Variants in SLC8A1 observed in about 807,000 individuals in gnomAD.
SLC8A1 encodes solute carrier family 8 member A1, also known as sodium/calcium exchanger 1.
Under a neutral mutation model 68.3 loss-of-function variants are expected in SLC8A1, and 18 were observed. The observed-to-expected ratio is 0.26, with a 90% CI of 0.18 to 0.39. SLC8A1 has a LOEUF of 0.39. SLC8A1 is among the 10% of genes least tolerant of loss of function. The pLI is 1.00. For synonymous variants in SLC8A1, 475 were observed against 415.5 expected, an observed-to-expected ratio of 1.14 and a Z score of -1.74; for missense variants, 985 against 1,156.7, an observed-to-expected ratio of 0.85 and a Z score of 2.15.
chr2:40,434,177 C>T (rs1698947584), intron 1 of SLC8A1, among the ~76,000 whole-genome samples: 1 of 152,082 alleles, frequency 6.6e-6, no homozygotes, highest in African/African-American at 2.4e-5. Context: ...CAGTAAAAAT[C>T]CATCATCATT....
At chr2:40,291,950 T>C (rs1001847886) in intron 2 of SLC8A1, among the ~76,000 whole-genome samples, 1 of 151,234 alleles carries the variant, frequency 6.6e-6, no homozygotes, top group South Asian at 2.1e-4. Context: ...CCTTCCAAGA[T>C]ACAAACCATT....
At chr2:40,166,253 G>C (rs534847758) in intron 4 of SLC8A1, among the ~76,000 whole-genome samples, 2 of 152,242 alleles carry the variant, frequency 1.3e-5, no homozygotes, top group East Asian at 1.9e-4. Context: ...GGGAATGAAT[G>C]GTTCCTAGGC....
At chr2:40,232,893 C>G (rs2059872799) in intron 2 of SLC8A1, among the ~76,000 whole-genome samples, 1 of 149,320 alleles carries the variant, frequency 6.7e-6, no homozygotes, top group Non-Finnish European at 1.5e-5. Flanking sequence ...ATGATGGTTT[C>G]CAATTTCATC....
At chr2:40,126,329 T>C (rs1393681833) in intron 7 of SLC8A1, among the ~76,000 whole-genome samples, 1 of 152,232 alleles carries the variant, frequency 6.6e-6, no homozygotes, top group East Asian at 1.9e-4. Context: ...GTGTGTTAAA[T>C]GCAAGGGGTC....
intron 2 of SLC8A1, among the ~76,000 whole-genome samples, chr2:40,368,108 G>C (rs2149497940): frequency 6.6e-6 from 1 of 152,030 alleles, no homozygotes; most frequent in South Asian, 2.1e-4. Flanking sequence ...CAGTTATCTT[G>C]TTGCTTCTTT....
At chr2:40,374,575 G>C (rs1288101694) in intron 2 of SLC8A1, among the ~76,000 whole-genome samples, 1 of 151,960 alleles carries the variant, frequency 6.6e-6, no homozygotes, top group Admixed American at 6.6e-5. Flanking sequence ...GTAAAGGAAA[G>C]AACTAGGTAA....
At chr2:40,422,860 T>G (rs560473356) in intron 2 of SLC8A1, among the ~76,000 whole-genome samples, 22 of 152,132 alleles carry the variant, frequency 1.4e-4, no homozygotes, top group Non-Finnish European at 3.1e-4. Context: ...AGGGTTCAAA[T>G]CCTAGATCCA....
intron 1 of SLC8A1, among the ~76,000 whole-genome samples, chr2:40,475,599 GACA>G (rs1704244690): frequency 6.6e-6 from 1 of 151,684 alleles, no homozygotes; most frequent in African/African-American, 2.4e-5. Flanking sequence ...ATATGTACAT[GACA>G]TATGTACATG....
intron 1 of SLC8A1, among the ~76,000 whole-genome samples, chr2:40,471,968 T>G (rs1045616647): frequency 6.6e-6 from 1 of 152,114 alleles, no homozygotes; most frequent in Admixed American, 6.6e-5. Flanking sequence ...CACATTAGGA[T>G]AGAGAACTCT....
intron 2 of SLC8A1, among the ~76,000 whole-genome samples, chr2:40,302,018 ACACCGGG>A (rs1407775489): frequency 7.2e-6 from 1 of 138,348 alleles, no homozygotes; most frequent in African/African-American, 2.6e-5. Context: ...ACCTGCCACC[ACACCGGG>A]CTAATCTGTG....
chr2:40,282,035 C>G (rs1193806912), intron 2 of SLC8A1, among the ~76,000 whole-genome samples: 2 of 152,146 alleles, frequency 1.3e-5, no homozygotes, highest in East Asian at 3.9e-4. Flanking sequence ...CAGCACAGCT[C>G]CCCCACACAA....
At chr2:40,389,058 G>T (rs938248092) in intron 2 of SLC8A1, among the ~76,000 whole-genome samples, 17 of 151,552 alleles carry the variant, frequency 1.1e-4, no homozygotes, top group African/African-American at 4.1e-4. Flanking sequence ...TTACACAAAT[G>T]TGGCTATATA....
At chr2:40,382,675 C>T (rs960579391) in intron 2 of SLC8A1, among the ~76,000 whole-genome samples, 7 of 124,922 alleles carry the variant, frequency 5.6e-5, no homozygotes, top group East Asian at 4.3e-4. Context: ...AACTGAAAAT[C>T]GTATATTATA....
chr2:40,239,139 T>A (rs2060858811), intron 2 of SLC8A1, among the ~76,000 whole-genome samples: 1 of 152,146 alleles, frequency 6.6e-6, no homozygotes, highest in Non-Finnish European at 1.5e-5. Flanking sequence ...CATAGTAATC[T>A]TCACCTAAAA....
At chr2:40,327,957 G>GA (rs5830622) in intron 2 of SLC8A1, among the ~76,000 whole-genome samples, 52,276 of 149,698 alleles carry the variant, frequency 0.35, 9,579 homozygotes, top group East Asian at 0.47. Context: ...AAATAAAACT[G>GA]AAAAAAAAAT....
At chr2:40,486,148 C>T (rs948754813) in intron 1 of SLC8A1, among the ~76,000 whole-genome samples, 5 of 152,118 alleles carry the variant, frequency 3.3e-5, no homozygotes, top group Non-Finnish European at 7.4e-5. Flanking sequence ...AGCAGTTCTC[C>T]TGCCTGCCGC....
At chr2:40,119,573 T>C (rs552415289) in intron 7 of SLC8A1, among the ~76,000 whole-genome samples, 1 of 152,276 alleles carries the variant, frequency 6.6e-6, no homozygotes, top group Non-Finnish European at 1.5e-5. Flanking sequence ...AAATGCCATA[T>C]CCTAAAATAA....
chr2:40,489,550 C>G (rs1266234993), intron 1 of SLC8A1, among the ~76,000 whole-genome samples: 1 of 152,074 alleles, frequency 6.6e-6, no homozygotes, highest in Admixed American at 6.6e-5. Flanking sequence ...CAGTTCTTCC[C>G]AGCTGGTGTA....
chr2:40,356,794 C>T (rs1376646228), intron 2 of SLC8A1, among the ~76,000 whole-genome samples: 1 of 152,164 alleles, frequency 6.6e-6, no homozygotes, highest in African/African-American at 2.4e-5. Context: ...TCTGCAGCTT[C>T]CACATGCCTT....
Sources: allele counts gnomAD v4.1 joint callset (sites outside exome capture counted in the v4.1 genomes callset), GRCh38; gene constraint gnomAD v4.1.1; transcripts MANE v1.5; gene names NCBI Gene and HGNC (gene_info 2026-07-23, HGNC 2026-07-21).